Variants in HAP1 observed in about 807,000 individuals in gnomAD.
HAP1 encodes huntingtin-associated protein 1.
Under a neutral mutation model 60.3 loss-of-function variants are expected in HAP1, and 59 were observed. The ratio of observed to expected loss-of-function variants is 0.98; its 90% confidence interval spans 0.79 to 1.22. The LOEUF (loss-of-function observed/expected upper bound fraction) is 1.22. Ranked by LOEUF, HAP1 falls within the 50% of genes most tolerant of loss-of-function variation. HAP1 has a pLI of 0.00. For missense variants in HAP1, 825 were observed against 785.3 expected (o/e 1.05, Z -0.60); for synonymous variants, 346 against 330.6 (o/e 1.05, Z -0.50).
In HAP1 at chr17:41,734,184, T is replaced by C. The variant is rs1912499554; in HGVS notation, c.451A>G (p.Ile151Val). Residue 151 changes from isoleucine to valine, a missense_variant, in exon 1 of 11, where the codon ATT becomes GTT. Physicochemically the swap from Ile to Val is conservative, Grantham distance 29. Coordinates refer to ENST00000347901, the MANE Select transcript of HAP1 (RefSeq NM_177977.3). ...GVSGPERAAF[I>V]RELEEALCPN... is the part of the protein sequence containing the mutation. ...GATTTACCTTCCTCCAGCTCCCGAA[T>C]AAAGGCGGCGCGCTCAGGGCCGGAC... The C allele has an allele frequency of 6.3e-7, 1 of 1,586,072 alleles. No individual in the cohort carries two copies. The highest frequency in any genetic ancestry group is 1.3e-5 in the African/African-American group (1 of 74,336).
chr17:41,727,441 C>A (rs782024565), intron 8 of HAP1: 3 of 778,650 alleles, frequency 3.9e-6, no homozygotes, highest in African/African-American at 3.4e-5. Flanking sequence ...AGCTGGGAAC[C>A]CACCCACACG....
At chr17:41,718,074 C>T (rs1024318658), downstream of HAP1, 3 of 455,390 alleles carry the variant, frequency 6.6e-6, no homozygotes, top group Non-Finnish European at 1.4e-5. Flanking sequence ...AGTTTATTAA[C>T]ATGTGTATCA....
chr17:41,718,017 G>A (rs539737936), downstream of HAP1: 34 of 468,906 alleles, frequency 7.3e-5, no homozygotes, highest in Non-Finnish European at 1.5e-4. Context: ...TTAGGTCCTC[G>A]GCTGGGGCTC....
chr17:41,721,499 C>A, downstream of HAP1: 1 of 174,786 alleles, frequency 5.7e-6, no homozygotes, highest in South Asian at 1.8e-4. Context: ...AGGTGTTCTC[C>A]TGCATCTCCG....
chr17:41,734,003 G>A (rs1555591837), intron 1 of HAP1, among the ~76,000 whole-genome samples, 163 bp downstream of exon 1: 1 of 152,194 alleles, frequency 6.6e-6, no homozygotes, highest in East Asian at 1.9e-4. Context: ...AGGAGGAGAT[G>A]GAGAAGGGGC....
At chr17:41,729,888 AAT>A (rs1455180590) in intron 6 of HAP1, among the ~76,000 whole-genome samples, 1 of 138,506 alleles carries the variant, frequency 7.2e-6, no homozygotes, top group African/African-American at 2.9e-5. Flanking sequence ...AAAAAAAAAA[AAT>A]TTGCCAGGCG....
At chr17:41,718,354 T>A (rs1911064916), downstream of HAP1, 1 of 179,212 alleles carries the variant, frequency 5.6e-6, no homozygotes, top group African/African-American at 2.3e-5. Flanking sequence ...GAAACAGCTT[T>A]CTGCCCGTGG....
rs1555588165 is a variant in HAP1, at chr17:41,724,750, CCG to C, written c.1809_1810del (p.His603GlnfsTer23). 6.2e-7 allele frequency: 1 copy of C among 1,600,780 alleles called. No homozygotes were observed. Among genetic ancestry groups the C allele is most frequent in the Non-Finnish European group, 8.5e-7 (1 of 1,169,772 alleles). On this transcript the variant is annotated frameshift_variant, in exon 11 of 11. Coordinates refer to ENST00000347901, the MANE Select transcript of HAP1 (RefSeq NM_177977.3). LOFTEE classifies it low-confidence loss of function (END_TRUNC). ...TGTCCGGCTGGCGGCAGGGAGGGCC[CCG>C]TGGGGGCACTCACCTTTCTGGAGCA...
downstream of HAP1, among the ~76,000 whole-genome samples, chr17:41,720,265 G>C (rs958491495): frequency 2.0e-5 from 3 of 150,604 alleles, no homozygotes; most frequent in African/African-American, 7.3e-5. Context: ...GGGCAATCTC[G>C]GCTCACTGCA....
At position 41,733,352 on chromosome 17, in the gene HAP1, C is replaced by CTTTTT. The variant is rs1226491607; in HGVS notation, c.470-559_470-555dup. Among the ~76,000 whole-genome samples the CTTTTT allele has an allele frequency of 4.4e-3, 332 of 74,668 alleles. 31 individuals carry two copies. The highest frequency in any genetic ancestry group is 0.011 in the African/African-American group (196 of 17,886). The allele number at this position is 74,668 out of a possible 152,430, so 49.0% of individuals were successfully genotyped here. Reference sequence around the variant, plus strand: ...TACAGGCGTCAGCCACCGCGCCCGGCTTTTTTTTTTTTTTTTTTTTTTTTA... The same window carrying CTTTTT: ...TACAGGCGTCAGCCACCGCGCCCGGCTTTTTTTTTTTTTTTTTTTTTTTTTTTTTA... On this transcript the variant is annotated intron_variant, in intron 1 of 10. Transcript: ENST00000347901.
At chr17:41,726,371 G>T in intron 9 of HAP1, among the ~76,000 whole-genome samples, 1 of 143,246 alleles carries the variant, frequency 7.0e-6, no homozygotes, top group Non-Finnish European at 1.5e-5. Context: ...CCGAGATCAC[G>T]CCAACCTGGA....
chr17:41,731,915 A>G, intron 4 of HAP1, 22 bp downstream of exon 4: 3 of 824,418 alleles, frequency 3.6e-6, no homozygotes, highest in Non-Finnish European at 4.1e-6. Context: ...AAGGACTTGC[A>G]GGTGCAAAGG....
Position 41,723,478 on chromosome 17 carries a change from A to AG in HAP1, c.*1222dup, listed in dbSNP as rs1911354332. ...CGGGTGTGGGGCTTGGCCAGGCAGCAGAAGGAGGGGCCTCAAGCTGTCTGT... is the reference window on the plus strand; with the variant it reads ...CGGGTGTGGGGCTTGGCCAGGCAGCAGGAAGGAGGGGCCTCAAGCTGTCTGT... On this transcript the variant is annotated 3_prime_UTR_variant, in exon 11 of 11. Coordinates refer to ENST00000347901, the MANE Select transcript of HAP1 (RefSeq NM_177977.3). 1 of 7,410 alleles carries AG rather than the reference A, an allele frequency of 1.3e-4. No homozygotes were observed. The highest frequency in any genetic ancestry group is 9.7e-4 in the Non-Finnish European group (1 of 1,028). The allele number at this position is 7,410 out of a possible 1,614,324, so 0.5% of individuals were successfully genotyped here.
intron 10 of HAP1, among the ~76,000 whole-genome samples, chr17:41,725,456 T>C (rs1413310600): frequency 1.3e-5 from 2 of 152,138 alleles, no homozygotes; most frequent in Non-Finnish European, 2.9e-5. Flanking sequence ...TTAACCTTCA[T>C]AGCCCACCCC....
In HAP1 at chr17:41,734,323, C is replaced by A. The variant is rs782436773; in HGVS notation, c.312G>T (p.Trp104Cys). The change falls in exon 1 of 11, where the codon TGG becomes TGT. Residue 104 changes from tryptophan (W) to cysteine (C), a missense_variant. Transcript: ENST00000347901. ...ACGGCCCTTGGAATACGAAGCGGGTCCACGGCGCGTCCGAATTGTCGGGCA... is the reference window on the plus strand; with the variant it reads ...ACGGCCCTTGGAATACGAAGCGGGTACACGGCGCGTCCGAATTGTCGGGCA... ...RSMPDNSDAP[W>C]TRFVFQGPFG... 2.5e-6 allele frequency: 4 copies of A among 1,609,012 alleles called. No homozygotes were observed. Among genetic ancestry groups the A allele is most frequent in the Non-Finnish European group, 3.4e-6 (4 of 1,177,360 alleles).
chr17:41,734,399 C>A lies in HAP1; in HGVS notation c.236G>T (p.Gly79Val). ...CGAGAATGCGGACGGGCGCCGGGCT[C>A]CTGCCTTGGCTCCAGCCTCCGAGGC... is the stretch of plus-strand genomic sequence containing the variant. ...RPASEAGAKA[G>V]ARRPSAFSAI... Residue 79 changes from glycine to valine, a missense_variant, in exon 1 of 11, where the codon GGA (glycine) becomes GTA (valine). Transcript: ENST00000347901. 6.2e-7 allele frequency: 1 copy of A among 1,606,966 alleles called. No individual in the cohort carries two copies. Among genetic ancestry groups the A allele is most frequent in the Non-Finnish European group, 8.5e-7 (1 of 1,175,352 alleles).
chr17:41,717,745 T>A (rs1911036060), downstream of HAP1: 3 of 277,318 alleles, frequency 1.1e-5, no homozygotes, highest in Admixed American at 7.8e-5. Context: ...GTAGTTGTTT[T>A]GTTTGCCAGT....
At chr17:41,728,362 G>T in intron 6 of HAP1, 31 bp from the exon 7 acceptor site, 1 of 1,608,538 alleles carries the variant, frequency 6.2e-7, no homozygotes, top group Non-Finnish European at 8.5e-7. Flanking sequence ...GTCAGCCCTG[G>T]CTCCCCTGGC....
chr17:41,730,935 G>A (rs1468230684), intron 6 of HAP1, among the ~76,000 whole-genome samples: 1 of 150,296 alleles, frequency 6.7e-6, no homozygotes, highest in East Asian at 2.0e-4. Context: ...TTTTGAGATG[G>A]AGTCTTGCTC....
Sources: allele counts gnomAD v4.1 joint callset (sites outside exome capture counted in the v4.1 genomes callset), GRCh38; gene constraint gnomAD v4.1.1; transcripts MANE v1.5; gene names NCBI Gene and HGNC (gene_info 2026-07-23, HGNC 2026-07-21).